CACNA2D3: variants seen among roughly 807,000 people sequenced by gnomAD.
The protein encoded by CACNA2D3 is voltage-dependent calcium channel subunit alpha-2/delta-3.
In CACNA2D3, 60 loss-of-function variants were observed where a neutral mutation model predicts 160.6. That is an observed-to-expected ratio of 0.37 (90% CI 0.30 to 0.46). The LOEUF (loss-of-function observed/expected upper bound fraction) is 0.46. Among genes scored for constraint, CACNA2D3 ranks in the 20% least tolerant of loss-of-function variants. The pLI, the probability that CACNA2D3 is intolerant of heterozygous loss-of-function variation, is 1.00. For synonymous variants in CACNA2D3, 558 were observed against 492.9 expected, an observed-to-expected ratio of 1.13 and a Z score of -1.75; for missense variants, 1,205 against 1,365.0, an observed-to-expected ratio of 0.88 and a Z score of 1.85.
In CACNA2D3 at chr3:54,846,456, C is replaced by A; in HGVS notation, c.1615C>A (p.Leu539Ile). 1 of 1,594,462 alleles carries A rather than the reference C, an allele frequency of 6.3e-7. No homozygotes were observed. Among genetic ancestry groups the A allele is most frequent in the Non-Finnish European group, 8.6e-7 (1 of 1,167,232 alleles). The change falls in exon 17 of 38, where the codon CTC (leucine) becomes ATC (isoleucine). Residue 539 changes from leucine to isoleucine, a missense_variant. Physicochemically the swap from Leu to Ile is conservative, Grantham distance 5. Coordinates refer to ENST00000474759, the MANE Select transcript of CACNA2D3 (RefSeq NM_018398.3). ...TGGATATATCCTGACGCATCCGGAA[C>A]TCAGGCTGCTGGTAAGAGAAATTAT... ...NNGYILTHPE[L>I]RLLYEEGKKR... is the part of the protein sequence containing the mutation.
At chr3:54,773,954 A>G (rs913621917) in intron 13 of CACNA2D3, among the ~76,000 whole-genome samples, 1 of 152,222 alleles carries the variant, frequency 6.6e-6, no homozygotes, top group East Asian at 1.9e-4. Flanking sequence ...TTCTGCTTTT[A>G]TGGATTAATG....
intron 13 of CACNA2D3, among the ~76,000 whole-genome samples, chr3:54,767,516 ACT>A (rs1702247255): frequency 6.6e-6 from 1 of 152,006 alleles, no homozygotes; most frequent in Admixed American, 6.6e-5. Context: ...GAAAATCCCA[ACT>A]CTGTCTTTCT....
At chr3:54,549,740 C>G (rs752837279) in intron 5 of CACNA2D3, among the ~76,000 whole-genome samples, 2 of 152,178 alleles carry the variant, frequency 1.3e-5, no homozygotes, top group Non-Finnish European at 2.9e-5. Flanking sequence ...CGCATTTGTA[C>G]AGTTCCTTGG....
intron 13 of CACNA2D3, among the ~76,000 whole-genome samples, chr3:54,805,528 A>G (rs1470842343): frequency 1.3e-5 from 2 of 152,216 alleles, no homozygotes; most frequent in Non-Finnish European, 2.9e-5. Flanking sequence ...TGAATAGACC[A>G]ATAACAGGCT....
At chr3:54,472,380 G>A (rs145035974) in intron 4 of CACNA2D3, among the ~76,000 whole-genome samples, 2,959 of 152,214 alleles carry the variant, frequency 0.019, 78 homozygotes, top group East Asian at 0.11. Flanking sequence ...TAAACTAGGT[G>A]TTGATGGAAT....
chr3:54,877,166 G>T (rs1395094962), intron 18 of CACNA2D3: 1 of 152,188 alleles, frequency 6.6e-6, no homozygotes, highest in Non-Finnish European at 1.5e-5. Context: ...TAAAATAGGA[G>T]ATAGAGAGGG....
At chr3:54,896,446 T>C (rs566093497) in intron 25 of CACNA2D3, among the ~76,000 whole-genome samples, 1 of 152,252 alleles carries the variant, frequency 6.6e-6, no homozygotes, top group South Asian at 2.1e-4. Flanking sequence ...CATCCTTGGG[T>C]TTTCTGATAG....
chr3:54,973,257 G>A (rs1029290383), intron 29 of CACNA2D3, among the ~76,000 whole-genome samples: 6 of 152,128 alleles, frequency 3.9e-5, no homozygotes, highest in African/African-American at 1.4e-4. Flanking sequence ...GGAGGGCCAC[G>A]TTCACCTCTG....
At chr3:54,147,467 C>G (rs564870398) in intron 2 of CACNA2D3, among the ~76,000 whole-genome samples, 1 of 152,314 alleles carries the variant, frequency 6.6e-6, no homozygotes, top group East Asian at 1.9e-4. Context: ...CTTCTCCCTC[C>G]CTCCTTTCCT....
At chr3:54,403,567 G>T (rs767113529) in intron 4 of CACNA2D3, among the ~76,000 whole-genome samples, 3 of 151,792 alleles carry the variant, frequency 2.0e-5, no homozygotes, top group African/African-American at 7.3e-5. Context: ...TAAATAAGTA[G>T]CCCAACATTA....
chr3:54,973,907 G>GACT (rs1290317957), intron 29 of CACNA2D3, among the ~76,000 whole-genome samples: 2 of 152,142 alleles, frequency 1.3e-5, no homozygotes, highest in Non-Finnish European at 2.9e-5. Context: ...AGCAAGGAGT[G>GACT]GCACCTTCCT....
intron 2 of CACNA2D3, among the ~76,000 whole-genome samples, chr3:54,191,831 A>G (rs1462487628): frequency 6.6e-6 from 1 of 152,212 alleles, no homozygotes; most frequent in Non-Finnish European, 1.5e-5. Context: ...GAATGTACAC[A>G]GAGCCCAGAT....
intron 9 of CACNA2D3, among the ~76,000 whole-genome samples, chr3:54,598,307 C>CAAAAA (rs10656534): frequency 0.029 from 1,458 of 49,610 alleles, 179 homozygotes; most frequent in Admixed American, 0.053. Flanking sequence ...CTCCGTCTCA[C>CAAAAA]AAAAAAAAAA....
At chr3:55,022,547 T>TTTCC (rs1301093727) in intron 35 of CACNA2D3, among the ~76,000 whole-genome samples, 3 of 142,316 alleles carry the variant, frequency 2.1e-5, no homozygotes, top group Admixed American at 7.0e-5. Flanking sequence ...TCTTTCTTTC[T>TTTCC]TTCCTTCCTT....
rs1553838651 is a variant in CACNA2D3, at chr3:54,763,780, C to CATAT, written c.1247-433_1247-430dup. ...ATACACATATATATGTATATATGTA[C>CATAT]ATATATATGTATATATATGTACATA... On this transcript the variant is annotated intron_variant, in intron 12 of 37. Coordinates refer to ENST00000474759, the MANE Select transcript of CACNA2D3 (RefSeq NM_018398.3). 1.9e-4 allele frequency among the ~76,000 whole-genome samples: 5 copies of CATAT among 25,712 alleles called. 1 individual carries two copies. The Admixed American group carries it at 2.4e-3, about 13-fold the overall frequency. The allele number at this position is 25,712 out of a possible 152,430, so 16.9% of individuals were successfully genotyped here. A position where few individuals can be genotyped will look rare whatever the true frequency, so the allele number is the denominator to read the frequency against.
chr3:54,873,690 C>G (rs1358876269), intron 18 of CACNA2D3, among the ~76,000 whole-genome samples: 1 of 152,184 alleles, frequency 6.6e-6, no homozygotes, highest in Non-Finnish European at 1.5e-5. Flanking sequence ...ACATCTCAAG[C>G]AAGTCCAGTG....
intron 29 of CACNA2D3, among the ~76,000 whole-genome samples, chr3:54,977,247 G>A (rs1375052514): frequency 6.6e-6 from 1 of 152,094 alleles, no homozygotes; most frequent in Non-Finnish European, 1.5e-5. Context: ...CTTTGCTGTT[G>A]AAATTATTCT....
chr3:54,665,401 G>A (rs936598433), intron 11 of CACNA2D3, among the ~76,000 whole-genome samples: 3 of 152,178 alleles, frequency 2.0e-5, no homozygotes, highest in Admixed American at 6.5e-5. Context: ...ATGGAGTGCC[G>A]AGTCAGTCCT....
At chr3:54,423,599 C>T (rs2106756179) in intron 4 of CACNA2D3, among the ~76,000 whole-genome samples, 1 of 152,322 alleles carries the variant, frequency 6.6e-6, no homozygotes, top group East Asian at 1.9e-4. Context: ...CAGTTATCAT[C>T]ATCTGCCTTG....
Sources: gnomAD v4.1 joint callset for allele counts (sites outside exome capture counted in the v4.1 genomes callset) on GRCh38, gnomAD v4.1.1 for gene constraint, MANE v1.5 for transcripts, NCBI Gene and HGNC (gene_info 2026-07-23, HGNC 2026-07-21) for gene names.